The following RBFOX1 variants were observed in gnomAD, a reference collection of about 807,000 sequenced individuals.
RBFOX1 encodes RNA binding protein fox-1 homolog 1.
Under a neutral mutation model 57.7 loss-of-function variants are expected in RBFOX1, and 8 were observed. The ratio of observed to expected loss-of-function variants is 0.14; its 90% CI spans 0.08 to 0.25. RBFOX1 has a LOEUF of 0.25. RBFOX1 is among the 10% of genes least tolerant of loss of function. RBFOX1 has a pLI of 1.00. For synonymous variants in RBFOX1, 326 were observed against 222.4 expected, an observed-to-expected ratio of 1.47 and a Z score of -4.15; for missense variants, 611 against 548.5, an observed-to-expected ratio of 1.11 and a Z score of -1.14.
At chr16:5,653,975 G>A (rs1043549786) in intron 3 of RBFOX1, among the ~76,000 whole-genome samples, 3 of 152,224 alleles carry the variant, frequency 2.0e-5, no homozygotes, top group Admixed American at 6.5e-5. Flanking sequence ...CCATCTGGTC[G>A]GCCACTCACG....
chr16:7,696,420 G>C (rs1166450454), intron 14 of RBFOX1, among the ~76,000 whole-genome samples: 1 of 152,150 alleles, frequency 6.6e-6, no homozygotes, highest in Non-Finnish European at 1.5e-5. Flanking sequence ...TTAGACGGGA[G>C]GTCTCCGTCT....
At chr16:6,848,396 T>C (rs548359398) in intron 3 of RBFOX1, among the ~76,000 whole-genome samples, 6 of 152,288 alleles carry the variant, frequency 3.9e-5, no homozygotes, top group Admixed American at 3.3e-4. Context: ...ATACAAAGTT[T>C]TATGAAAATG....
At chr16:5,877,822 T>G (rs1363243752) in intron 4 of RBFOX1, among the ~76,000 whole-genome samples, 1 of 152,242 alleles carries the variant, frequency 6.6e-6, no homozygotes, top group Non-Finnish European at 1.5e-5. Context: ...CCTTGGGTTG[T>G]TGCCATGGCA....
chr16:6,720,476 G>A (rs528746968), intron 3 of RBFOX1, among the ~76,000 whole-genome samples: 7 of 152,166 alleles, frequency 4.6e-5, no homozygotes, highest in Non-Finnish European at 5.9e-5. Flanking sequence ...ACTCATACAC[G>A]ACCTATGTGT....
rs117487770 is a variant in RBFOX1 at position 6,614,492 on chromosome 16, G to A, written c.-63-40111G>A. 6.1e-3 allele frequency among the ~76,000 whole-genome samples: 929 copies of A among 152,290 alleles called. 8 individuals carry two copies. Among genetic ancestry groups the A allele is most frequent in the Non-Finnish European group, 9.0e-3 (615 of 68,020 alleles). On this transcript the variant is annotated intron_variant, in intron 2 of 15. Transcript: ENST00000550418. ...CGGGACAGGACAAACCAATCACTGC[G>A]GAATGTTTTGTGGGTGTCCTGAGGC...
chr16:6,361,628 T>TTAAAAAAAAAAAAAGAAAAAAAA (rs1371587081), intron 2 of RBFOX1, among the ~76,000 whole-genome samples: 1 of 127,932 alleles, frequency 7.8e-6, no homozygotes, highest in African/African-American at 2.9e-5. Flanking sequence ...ACTCTGTCTC[T>TTAAAAAAAAAAAAAGAAAAAAAA]AAAAAAAAAA....
intron 4 of RBFOX1, among the ~76,000 whole-genome samples, chr16:7,275,033 G>A (rs933882674): frequency 1.3e-5 from 2 of 152,130 alleles, no homozygotes; most frequent in African/African-American, 4.8e-5. Context: ...ATCTGAGCAG[G>A]TGGTCGAAGG....
intron 3 of RBFOX1, among the ~76,000 whole-genome samples, chr16:7,014,116 A>G (rs896391118): frequency 1.3e-5 from 2 of 152,218 alleles, no homozygotes; most frequent in Admixed American, 1.3e-4. Flanking sequence ...TGGGACAGGC[A>G]ATTGTGTATG....
chr16:7,133,399 C>G (rs1183506841), intron 4 of RBFOX1, among the ~76,000 whole-genome samples: 1 of 152,060 alleles, frequency 6.6e-6, no homozygotes, highest in African/African-American at 2.4e-5. Flanking sequence ...AAGATCATTG[C>G]AATGGTCATG....
intron 3 of RBFOX1, among the ~76,000 whole-genome samples, chr16:6,902,864 T>A (rs1019845546): frequency 4.6e-5 from 7 of 152,222 alleles, no homozygotes. Flanking sequence ...ATTTATAGAT[T>A]GTTTCATCAG....
At chr16:5,780,085 C>G (rs1392403877) in intron 3 of RBFOX1, among the ~76,000 whole-genome samples, 4 of 152,202 alleles carry the variant, frequency 2.6e-5, no homozygotes, top group African/African-American at 7.2e-5. Flanking sequence ...CTCACTGAAC[C>G]TCCACCTCCC....
At chr16:7,351,364 T>C (rs1198398962) in intron 4 of RBFOX1, among the ~76,000 whole-genome samples, 4 of 152,282 alleles carry the variant, frequency 2.6e-5, no homozygotes, top group African/African-American at 9.6e-5. Flanking sequence ...TTTAGACATG[T>C]ATTAATCACC....
intron 3 of RBFOX1, among the ~76,000 whole-genome samples, chr16:6,813,508 G>T (rs763534291): frequency 3.3e-5 from 5 of 152,128 alleles, no homozygotes; most frequent in African/African-American, 4.8e-5. Context: ...CCAGCCCTAT[G>T]CTATGATCTG....
At chr16:6,235,479 A>T (rs1367611468) in intron 1 of RBFOX1, among the ~76,000 whole-genome samples, 1 of 152,032 alleles carries the variant, frequency 6.6e-6, no homozygotes, top group Non-Finnish European at 1.5e-5. Flanking sequence ...ACAATTTGCA[A>T]TTGCAAAAAT....
chr16:7,052,962 T>G (rs1241414220), intron 4 of RBFOX1, among the ~76,000 whole-genome samples: 1 of 151,980 alleles, frequency 6.6e-6, no homozygotes, highest in African/African-American at 2.4e-5. Flanking sequence ...CAGAGAAATA[T>G]GCTGCTTTTA....
At chr16:5,912,137 C>G (rs1190087584) in intron 4 of RBFOX1, among the ~76,000 whole-genome samples, 2 of 152,284 alleles carry the variant, frequency 1.3e-5, no homozygotes, top group African/African-American at 2.4e-5. Context: ...TCACACCCAT[C>G]TCTGCCATTT....
intron 2 of RBFOX1, among the ~76,000 whole-genome samples, chr16:6,476,399 C>T (rs1195307569): frequency 6.6e-6 from 1 of 152,086 alleles, no homozygotes; most frequent in Non-Finnish European, 1.5e-5. Flanking sequence ...CAAGCCACTG[C>T]AATACAGTAA....
intron 2 of RBFOX1, among the ~76,000 whole-genome samples, chr16:6,436,726 C>G (rs1260997791): frequency 6.6e-6 from 1 of 151,748 alleles, no homozygotes; most frequent in Non-Finnish European, 1.5e-5. Context: ...ATTTGTATCC[C>G]CAAACCAAAC....
At chr16:6,956,027 G>C (rs181483195) in intron 3 of RBFOX1, among the ~76,000 whole-genome samples, 4 of 152,162 alleles carry the variant, frequency 2.6e-5, no homozygotes, top group African/African-American at 9.6e-5. Context: ...TTGTAATGAG[G>C]GTGAGGACAC....
Sources: allele counts gnomAD v4.1 joint callset (sites outside exome capture counted in the v4.1 genomes callset), GRCh38; gene constraint gnomAD v4.1.1; transcripts MANE v1.5; gene names NCBI Gene and HGNC (gene_info 2026-07-23, HGNC 2026-07-21).